The following SCAI variants were observed in gnomAD, a reference collection of about 807,000 sequenced individuals.
SCAI encodes the protein protein SCAI.
SCAI carries 24 observed loss-of-function variants against 92.2 expected under a neutral mutation model. The observed-to-expected ratio is 0.26, with a 90% CI of 0.19 to 0.37. The LOEUF (loss-of-function observed/expected upper bound fraction) is 0.37, where lower values mean the gene tolerates loss of function less well. Among genes scored for constraint, SCAI ranks in the 10% least tolerant of loss-of-function variants. The probability of loss-of-function intolerance (pLI) is 1.00; values close to 1 mark genes in which losing one functional copy is unlikely to be tolerated. For synonymous variants in SCAI, 261 were observed against 258.6 expected (o/e 1.01, Z -0.09); for missense variants, 450 against 736.2 (o/e 0.61, Z 4.50).
At chr9:124,973,315 T>C (rs1831695047) in intron 15 of SCAI, among the ~76,000 whole-genome samples, 1 of 152,234 alleles carries the variant, frequency 6.6e-6, no homozygotes, top group Non-Finnish European at 1.5e-5. Context: ...GTCTTCCACT[T>C]AAATTACTTA....
chr9:125,068,359 G>T (rs755127085), intron 2 of SCAI, among the ~76,000 whole-genome samples: 2 of 151,942 alleles, frequency 1.3e-5, no homozygotes, highest in African/African-American at 4.8e-5. Flanking sequence ...AATTAGCCAG[G>T]CATGATGGCA....
Position 124,982,552 on chromosome 9 carries a change from C to T in SCAI, c.1327-6366G>A, listed in dbSNP as rs375599485. On this transcript the variant is annotated intron_variant, in intron 14 of 17. Transcript: ENST00000336505. ...AAAATTAGCCGGGTATGGTAACATGCACCTGTAATCCCAGTTATTTGGGAG... is the reference window on the plus strand; with the variant it reads ...AAAATTAGCCGGGTATGGTAACATGTACCTGTAATCCCAGTTATTTGGGAG... Among the ~76,000 whole-genome samples, 10 of 151,826 alleles carry T rather than the reference C, an allele frequency of 6.6e-5. No homozygotes were observed. In the South Asian group the frequency reaches 2.1e-3, roughly 32 times the overall value.
chr9:124,988,555 T>A (rs117255134), intron 14 of SCAI, among the ~76,000 whole-genome samples: 2 of 152,236 alleles, frequency 1.3e-5, no homozygotes, highest in Non-Finnish European at 2.9e-5. Flanking sequence ...CACACATGCA[T>A]CTATTTCTAT....
At chr9:124,992,193 C>T (rs985832438) in intron 14 of SCAI, among the ~76,000 whole-genome samples, 2 of 152,142 alleles carry the variant, frequency 1.3e-5, no homozygotes, top group African/African-American at 2.4e-5. Context: ...GCTGGGATTA[C>T]AGGTGTGAGA....
At chr9:125,071,219 ACTCTAT>A (rs1833973294) in intron 2 of SCAI, among the ~76,000 whole-genome samples, 1 of 151,828 alleles carries the variant, frequency 6.6e-6, no homozygotes, top group African/African-American at 2.4e-5. Flanking sequence ...CTATCACAAG[ACTCTAT>A]CTCTATAAAA....
chr9:124,999,795 T>C (rs1832319553), intron 13 of SCAI, 96 bp downstream of exon 13: 2 of 666,626 alleles, frequency 3.0e-6, no homozygotes, highest in South Asian at 1.8e-5. Context: ...GGAATCATTC[T>C]AGTACTAGAA....
chr9:125,017,164 T>G (rs1380205882), intron 9 of SCAI, among the ~76,000 whole-genome samples: 1 of 152,202 alleles, frequency 6.6e-6, no homozygotes, highest in African/African-American at 2.4e-5. Context: ...AGATAATGCC[T>G]GACACTTTTC....
intron 17 of SCAI, among the ~76,000 whole-genome samples, chr9:124,969,617 G>C (rs1471933385): frequency 1.3e-5 from 2 of 152,288 alleles, no homozygotes; most frequent in Non-Finnish European, 2.9e-5. Flanking sequence ...ATTCACAAAA[G>C]CTATAAAGTA....
At chr9:125,003,282 T>C (rs1832403491) in intron 10 of SCAI, 67 bp from the exon 11 acceptor site, 2 of 1,241,118 alleles carry the variant, frequency 1.6e-6, no homozygotes, top group African/African-American at 3.0e-5. Flanking sequence ...TCAATATCTA[T>C]TTTCACTAGC....
At position 125,026,603 on chromosome 9, in the gene SCAI, T is replaced by C. The variant is rs373794879; in HGVS notation, c.512+209A>G. 5.6e-4 allele frequency among the ~76,000 whole-genome samples: 86 copies of C among 152,352 alleles called. 2 individuals are homozygous for C. The South Asian group carries it at 0.017, about 30-fold the overall frequency. On this transcript the variant is annotated intron_variant, in intron 6 of 17. Coordinates refer to ENST00000336505, the MANE Select transcript of SCAI (RefSeq NM_001144877.3). ...ACAATAACCCAACCCTCCTTTGGCATTGTGACATCTGTTAAACATCTTTGA... is the reference window on the plus strand; with the variant it reads ...ACAATAACCCAACCCTCCTTTGGCACTGTGACATCTGTTAAACATCTTTGA...
intron 14 of SCAI, among the ~76,000 whole-genome samples, chr9:124,978,145 T>C (rs1051770334): frequency 3.3e-5 from 5 of 152,014 alleles, no homozygotes; most frequent in African/African-American, 1.2e-4. Flanking sequence ...TCTCATAATA[T>C]TGAAAGAGCC....
intron 1 of SCAI, among the ~76,000 whole-genome samples, chr9:125,143,147 G>A (rs1415107208): frequency 7.7e-6 from 1 of 129,630 alleles, no homozygotes; most frequent in Non-Finnish European, 1.6e-5. Flanking sequence ...GCCCCGCGCC[G>A]CCAGCCTCAC....
intron 2 of SCAI, among the ~76,000 whole-genome samples, chr9:125,059,992 C>T (rs1221333468): frequency 6.6e-6 from 1 of 152,182 alleles, no homozygotes; most frequent in African/African-American, 2.4e-5. Flanking sequence ...TTCTGTAAAA[C>T]TTTCCTTGAA....
chr9:125,090,861 G>A (rs1834416020), intron 2 of SCAI, among the ~76,000 whole-genome samples: 1 of 152,126 alleles, frequency 6.6e-6, no homozygotes. Context: ...GCTCATGCCT[G>A]TAATCCCAGC....
rs535508204 is a variant in SCAI at position 124,989,303 on chromosome 9, G to A, written c.1326+5631C>T. On this transcript the variant is annotated intron_variant, in intron 14 of 17. Coordinates refer to ENST00000336505, the MANE Select transcript of SCAI (RefSeq NM_001144877.3). The stretch of plus-strand genomic sequence containing the variant: ...ATGCTTCTTAAGAAATATTGGGCTC[G>A]GCGCCGTGGCTCAGGCTGAGCATGG... Among the ~76,000 whole-genome samples, 13 of 152,152 alleles carry A rather than the reference G, an allele frequency of 8.5e-5. No homozygotes were observed. In the South Asian group the frequency reaches 2.5e-3, roughly 29 times the overall value.
intron 2 of SCAI, among the ~76,000 whole-genome samples, chr9:125,095,913 A>G (rs1386561391): frequency 6.6e-6 from 1 of 152,214 alleles, no homozygotes; most frequent in Admixed American, 6.5e-5. Flanking sequence ...TTAAACCCCA[A>G]TCTTTTTAAA....
intron 2 of SCAI, among the ~76,000 whole-genome samples, chr9:125,088,945 C>G (rs921242800): frequency 3.9e-5 from 6 of 152,100 alleles, no homozygotes; most frequent in African/African-American, 1.4e-4. Context: ...CACTAGATGC[C>G]AGTTGCATCA....
At chr9:124,979,474 AG>A (rs1169978252) in intron 14 of SCAI, among the ~76,000 whole-genome samples, 2 of 151,916 alleles carry the variant, frequency 1.3e-5, no homozygotes, top group African/African-American at 4.8e-5. Flanking sequence ...CAGGAGGCGG[AG>A]GTTGCAGTGA....
chr9:124,985,111 G>C (rs964788250), intron 14 of SCAI, among the ~76,000 whole-genome samples: 1 of 152,152 alleles, frequency 6.6e-6, no homozygotes, highest in African/African-American at 2.4e-5. Flanking sequence ...CAGGGCTACA[G>C]CCTTTAAATT....
Sources: allele counts gnomAD v4.1 joint callset (sites outside exome capture counted in the v4.1 genomes callset), GRCh38; gene constraint gnomAD v4.1.1; transcripts MANE v1.5; gene names NCBI Gene and HGNC (gene_info 2026-07-23, HGNC 2026-07-21).